Variants in SEMA3B observed in about 807,000 individuals in gnomAD.
SEMA3B encodes the protein semaphorin 3B, also known as semaphorin-3B.
A neutral mutation model predicts 77.8 loss-of-function variants in SEMA3B; 71 were observed. The ratio of observed to expected loss-of-function variants is 0.91; its 90% CI spans 0.75 to 1.11. SEMA3B has a LOEUF of 1.11. Among genes scored for constraint, SEMA3B ranks in the 50% most tolerant of loss-of-function variants. The probability of loss-of-function intolerance (pLI) is 0.00; values close to 1 mark genes in which losing one functional copy is unlikely to be tolerated. For synonymous variants in SEMA3B, 470 were observed against 452.9 expected (o/e 1.04, Z -0.48); for missense variants, 968 against 1,056.8 (o/e 0.92, Z 1.17).
At position 50,273,855 on chromosome 3, in the gene SEMA3B, C is replaced by T. The variant is rs782484617; in HGVS notation, c.992+27C>T. 69 of 1,563,194 alleles carry T rather than the reference C, an allele frequency of 4.4e-5. No homozygotes were observed. In the African/African-American group the frequency reaches 8.0e-4, roughly 18 times the overall value. On this transcript the variant is annotated intron_variant, in intron 9 of 16. Coordinates refer to ENST00000616701, the MANE Select transcript of SEMA3B (RefSeq NM_001290060.2). This position sits in a 1 kb window ranked among gnomAD's most constrained non-coding sequence, Gnocchi z 6.5. ...TGAGGGGCAGGAGGTAGGGAGCGCC[C>T]GGGGCGGGCCGCTGGGCTCCACCCG...
At chr3:50,260,968 T>G in the SEMA3B span, 1 of 152,300 alleles carries the variant, frequency 6.6e-6, no homozygotes, top group Non-Finnish European at 1.5e-5. Context: ...TTCAGCCTTG[T>G]GTTTGGTGGT....
At chr3:50,267,854 G>GC (rs1700942492), upstream of SEMA3B, 1 of 152,468 alleles carries the variant, frequency 6.6e-6, no homozygotes, top group South Asian at 2.1e-4. This position sits in a 1 kb window ranked among gnomAD's most constrained non-coding sequence, Gnocchi z 5.7. Context: ...GGGTGGAGGG[G>GC]CCTGGAACCT....
rs782321911 is a variant in SEMA3B at position 50,274,958 on chromosome 3, C to T, written c.1449+24C>T. On this transcript the variant is annotated intron_variant, in intron 12 of 16. Coordinates refer to ENST00000616701, the MANE Select transcript of SEMA3B (RefSeq NM_001290060.2). This position sits in a 1 kb window ranked among gnomAD's most constrained non-coding sequence, Gnocchi z 4.7. ...AGGTGAGGCCTCACCCCCAGTCGCC[C>T]GGGACCCCCCCACCCCACTAAGCCC... 10 of 1,600,940 alleles carry T rather than the reference C, an allele frequency of 6.2e-6. No individual in the cohort carries two copies. In the Admixed American group the frequency reaches 1.7e-4, roughly 27 times the overall value.
the SEMA3B span, chr3:50,260,939 G>A: frequency 6.6e-6 from 1 of 152,308 alleles, no homozygotes; most frequent in Non-Finnish European, 1.5e-5. Flanking sequence ...TCCCAGCACT[G>A]GTGGAGGCGG....
At position 50,274,114 on chromosome 3, in the gene SEMA3B, A is replaced by C; in HGVS notation, c.1137+57A>C. 6.3e-7 allele frequency: 1 copy of C among 1,583,944 alleles called. No individual in the cohort carries two copies. The highest frequency in any genetic ancestry group is 8.5e-7 in the Non-Finnish European group (1 of 1,169,782). ...ACTTCAAAGCCTCAAGGGTTTGAGA[A>C]CTTGGCCTGGGGTCTTCTTGGTGAA... On this transcript the variant is annotated intron_variant, in intron 10 of 16. Coordinates refer to ENST00000616701, the MANE Select transcript of SEMA3B (RefSeq NM_001290060.2). This position sits in a 1 kb window ranked among gnomAD's most constrained non-coding sequence, Gnocchi z 4.7.
chr3:50,273,325 T>A lies in SEMA3B; in HGVS notation c.692T>A (p.Ile231Asn). The change falls in exon 7 of 17, where the codon ATC (isoleucine) becomes AAC (asparagine). Residue 231 changes from isoleucine to asparagine, a missense_variant. Transcript: ENST00000616701. The surrounding 1 kb of genome is among the most constrained non-coding windows in gnomAD (Gnocchi z 6.5). ...NEPKFVKVFW[I>N]PESENPDDDK... ...CCCAAGTTTGTCAAGGTATTTTGGATCCCGGAGAGCGAGAACCCAGACGAC... is the reference window on the plus strand; with the variant it reads ...CCCAAGTTTGTCAAGGTATTTTGGAACCCGGAGAGCGAGAACCCAGACGAC... The A allele has an allele frequency of 6.2e-7, 1 of 1,613,944 alleles. No individual in the cohort carries two copies. Among genetic ancestry groups the A allele is most frequent in the Non-Finnish European group, 8.5e-7 (1 of 1,179,844 alleles).
chr3:50,276,181 G>C lies in SEMA3B; in HGVS notation c.1846-121G>C. On this transcript the variant is annotated intron_variant, in intron 16 of 16. Transcript: ENST00000616701. This position sits in a 1 kb window ranked among gnomAD's most constrained non-coding sequence, Gnocchi z 5.8. ...TCAGCCTTAAAATGTGCGCCTGCGGGCACCCCTTTCCCGCTCCACCTCGGC... is the reference window on the plus strand; with the variant it reads ...TCAGCCTTAAAATGTGCGCCTGCGGCCACCCCTTTCCCGCTCCACCTCGGC... 1 of 1,287,342 alleles carries C rather than the reference G, an allele frequency of 7.8e-7. No homozygotes were observed. Among genetic ancestry groups the C allele is most frequent in the South Asian group, 1.6e-5 (1 of 63,550 alleles). The allele number at this position is 1,287,342 out of a possible 1,614,324, so 79.7% of individuals were successfully genotyped here. A position where few individuals can be genotyped will look rare whatever the true frequency, so the allele number is the denominator to read the frequency against.
rs1216914177 is a variant in SEMA3B at position 50,276,332 on chromosome 3, G to A, written c.1876G>A (p.Ala626Thr). ...GGCAGAGGAGCGCACCGAGCGCACC[G>A]CCCGGGGACTACTGCTGCGCAGGCT... The part of the protein sequence containing the change: ...VLAEERTERT[A>T]RGLLLRRLRR... The change falls in exon 17 of 17, where the codon GCC (alanine) becomes ACC (threonine). Residue 626 changes from alanine (A) to threonine (T), a missense_variant. Coordinates refer to ENST00000616701, the MANE Select transcript of SEMA3B (RefSeq NM_001290060.2). The surrounding 1 kb of genome is among the most constrained non-coding windows in gnomAD (Gnocchi z 5.8). 9.2e-6 allele frequency: 14 copies of A among 1,527,440 alleles called. No individual in the cohort carries two copies. The highest frequency in any genetic ancestry group is 4.9e-5 in the East Asian group (2 of 40,462). 94.6% of individuals were successfully genotyped at this position (1,527,440 alleles called of 1,614,324 possible).
Position 50,275,421 on chromosome 3 carries a change from C to CCCCTACT in SEMA3B, c.1611_1612insCCCTACT (p.Gly538ProfsTer58). 6.3e-7 allele frequency: 1 copy of CCCCTACT among 1,599,570 alleles called. No individual in the cohort carries two copies. The highest frequency in any genetic ancestry group is 8.5e-7 in the Non-Finnish European group (1 of 1,173,070). ...CGCGTGACCCCTACTGCGCCTGGGA[C>CCCCTACT]GGGGTCGCGTGCACGCGCTTCCAGC... On this transcript the variant is annotated frameshift_variant, in exon 14 of 17. Coordinates refer to ENST00000616701, the MANE Select transcript of SEMA3B (RefSeq NM_001290060.2). LOFTEE classifies it high-confidence loss of function. The surrounding 1 kb of genome is among the most constrained non-coding windows in gnomAD (Gnocchi z 7.5).
Position 50,275,102 on chromosome 3 carries a change from T to C in SEMA3B, c.1491+49T>C. ...GGGTGGGATGGACTGAGCTTGTGCC[T>C]GGCGCGTCCCAAGCCTCTGGCCCCT... On this transcript the variant is annotated intron_variant, in intron 13 of 16. Transcript: ENST00000616701. The surrounding 1 kb of genome is among the most constrained non-coding windows in gnomAD (Gnocchi z 7.5). The C allele has an allele frequency of 6.5e-7, 1 of 1,533,220 alleles. No individual in the cohort carries two copies. The highest frequency in any genetic ancestry group is 8.8e-7 in the Non-Finnish European group (1 of 1,137,330). 95.0% of individuals were successfully genotyped at this position (1,533,220 alleles called of 1,614,324 possible).
In SEMA3B at chr3:50,269,432, C is replaced by T; in HGVS notation, c.109+83C>T. On this transcript the variant is annotated intron_variant, in intron 1 of 16. Coordinates refer to ENST00000616701, the MANE Select transcript of SEMA3B (RefSeq NM_001290060.2). This position sits in a 1 kb window ranked among gnomAD's most constrained non-coding sequence, Gnocchi z 4.0. ...GTATGGCCAGGGGGCTCTGTGTTGG[C>T]TGTTGCCCCATGTGCGTGCCTGTCA... 3 of 836,998 alleles carry T rather than the reference C, an allele frequency of 3.6e-6. No individual in the cohort carries two copies. The highest frequency in any genetic ancestry group is 5.4e-6 in the Non-Finnish European group (3 of 554,758). The allele number at this position is 836,998 out of a possible 1,614,324, so 51.8% of individuals were successfully genotyped here. A position where few individuals can be genotyped will look rare whatever the true frequency, so the allele number is the denominator to read the frequency against.
chr3:50,273,360 T>G lies in SEMA3B; in HGVS notation c.727T>G (p.Tyr243Asp), dbSNP rs1553705744. 1.2e-6 allele frequency: 2 copies of G among 1,613,974 alleles called. No homozygotes were observed. Among genetic ancestry groups the G allele is most frequent in the South Asian group, 2.2e-5 (2 of 91,088 alleles). The change falls in exon 7 of 17, where the codon TAC (tyrosine) becomes GAC (aspartate). Residue 243 changes from tyrosine (Y) to aspartate (D), a missense_variant. Coordinates refer to ENST00000616701, the MANE Select transcript of SEMA3B (RefSeq NM_001290060.2). This position sits in a 1 kb window ranked among gnomAD's most constrained non-coding sequence, Gnocchi z 6.5. ...ESENPDDDKIYFFFRETAVEA... is the reference protein window; with the variant it reads ...ESENPDDDKIDFFFRETAVEA... ...CGAGAACCCAGACGACGACAAAATC[T>G]ACTTCTTCTTTCGTGAGACGGCGGT... is the stretch of plus-strand genomic sequence containing the variant.
rs1553705870 is a variant in SEMA3B, at chr3:50,273,704, G to A, written c.923-55G>A. On this transcript the variant is annotated intron_variant, in intron 8 of 16. Coordinates refer to ENST00000616701, the MANE Select transcript of SEMA3B (RefSeq NM_001290060.2). This position sits in a 1 kb window ranked among gnomAD's most constrained non-coding sequence, Gnocchi z 6.5. Reference sequence around the variant, plus strand: ...GGGGGCAGCGGCGCAGACTCCGGGAGCCCCCGCCGCAGCGGGGCTGTGCGC... The same window carrying A: ...GGGGGCAGCGGCGCAGACTCCGGGAACCCCCGCCGCAGCGGGGCTGTGCGC... 1.9e-6 allele frequency: 3 copies of A among 1,594,160 alleles called. No homozygotes were observed. The highest frequency in any genetic ancestry group is 2.6e-6 in the Non-Finnish European group (3 of 1,175,356).
At position 50,270,489 on chromosome 3, in the gene SEMA3B, C is replaced by T. The variant is rs781964164; in HGVS notation, c.324C>T (p.Asp108=). The change falls in exon 3 of 17, where the codon GAC becomes GAT. Residue 108 remains aspartate (D), a synonymous_variant. Coordinates refer to ENST00000616701, the MANE Select transcript of SEMA3B (RefSeq NM_001290060.2). The surrounding 1 kb of genome is among the most constrained non-coding windows in gnomAD (Gnocchi z 4.7). The part of the protein sequence containing the change: ...WREECNWAGK[D]IGTECMNFVK... Reference sequence around the variant, plus strand: ...AGGAGTGCAACTGGGCAGGGAAGGACATTGGTGTGAGTGCCAGCTGCCCGG... The same window carrying T: ...AGGAGTGCAACTGGGCAGGGAAGGATATTGGTGTGAGTGCCAGCTGCCCGG... The T allele has an allele frequency of 5.5e-5, 88 of 1,613,470 alleles. No homozygotes were observed. The highest frequency in any genetic ancestry group is 6.9e-5 in the Non-Finnish European group (82 of 1,179,868).
Position 50,274,163 on chromosome 3 carries a change from G to A in SEMA3B, c.1137+106G>A. ...AATGTGGTTTCTTCCTTTAGTTATG[G>A]GTGGGAAAACGTTTCCATCATAAGA... is the stretch of plus-strand genomic sequence containing the variant. On this transcript the variant is annotated intron_variant, in intron 10 of 16. Transcript: ENST00000616701. The surrounding 1 kb of genome is among the most constrained non-coding windows in gnomAD (Gnocchi z 4.7). The A allele has an allele frequency of 5.9e-6, 9 of 1,524,686 alleles. No individual in the cohort carries two copies. The highest frequency in any genetic ancestry group is 8.0e-6 in the Non-Finnish European group (9 of 1,129,160). The allele number at this position is 1,524,686 out of a possible 1,614,324, so 94.4% of individuals were successfully genotyped here. A position where few individuals can be genotyped will look rare whatever the true frequency, so the allele number is the denominator to read the frequency against.
rs1256480587 is a variant in SEMA3B at position 50,276,203 on chromosome 3, C to A, written c.1846-99C>A. 3.6e-6 allele frequency: 5 copies of A among 1,393,494 alleles called. No homozygotes were observed. The highest frequency in any genetic ancestry group is 4.7e-6 in the Non-Finnish European group (5 of 1,069,584). The allele number at this position is 1,393,494 out of a possible 1,614,324, so 86.3% of individuals were successfully genotyped here. On this transcript the variant is annotated intron_variant, in intron 16 of 16. Transcript: ENST00000616701. This position sits in a 1 kb window ranked among gnomAD's most constrained non-coding sequence, Gnocchi z 5.8. ...CGGGCACCCCTTTCCCGCTCCACCTCGGCTCCCAATGACTCTTTGCTTCTT... is the reference window on the plus strand; with the variant it reads ...CGGGCACCCCTTTCCCGCTCCACCTAGGCTCCCAATGACTCTTTGCTTCTT...
In SEMA3B at chr3:50,269,573, C is replaced by T. The variant is rs1211614856; in HGVS notation, c.109+224C>T. ...TCGTGCTTTCTCAGGAAGACCCCTC[C>T]TGTCCCCACAGCAACAGACCTTGTC... is the stretch of plus-strand genomic sequence containing the variant. On this transcript the variant is annotated intron_variant, in intron 1 of 16. Transcript: ENST00000616701. The surrounding 1 kb of genome is among the most constrained non-coding windows in gnomAD (Gnocchi z 4.0). Among the ~76,000 whole-genome samples, 1 of 152,224 alleles carries T rather than the reference C, an allele frequency of 6.6e-6. No individual in the cohort carries two copies. The highest frequency in any genetic ancestry group is 2.4e-5 in the African/African-American group (1 of 41,458).
chr3:50,273,850 G>C lies in SEMA3B; in HGVS notation c.992+22G>C. 1.3e-6 allele frequency: 2 copies of C among 1,564,818 alleles called. No homozygotes were observed. The highest frequency in any genetic ancestry group is 1.7e-6 in the Non-Finnish European group (2 of 1,153,580). ...CCAGGTGAGGGGCAGGAGGTAGGGA[G>C]CGCCCGGGGCGGGCCGCTGGGCTCC... On this transcript the variant is annotated intron_variant, in intron 9 of 16. Transcript: ENST00000616701. The surrounding 1 kb of genome is among the most constrained non-coding windows in gnomAD (Gnocchi z 6.5).
At position 50,276,690 on chromosome 3, in the gene SEMA3B, G is replaced by GCGCAA; in HGVS notation, c.2239_2243dup (p.His748GlnfsTer140). The GCGCAA allele has an allele frequency of 6.5e-7, 1 of 1,542,110 alleles. No individual in the cohort carries two copies. Among genetic ancestry groups the GCGCAA allele is most frequent in the Non-Finnish European group, 8.7e-7 (1 of 1,152,090 alleles). On this transcript the variant is annotated frameshift_variant, in exon 17 of 17. Transcript: ENST00000616701. LOFTEE classifies it high-confidence loss of function. The surrounding 1 kb of genome is among the most constrained non-coding windows in gnomAD (Gnocchi z 5.8). ...CCTCGCGCTGAGCGGGGGCCGCGCA[G>GCGCAA]CGCAACGCACTGGTGACCAGACTGT...
Sources: allele counts gnomAD v4.1 joint callset (sites outside exome capture counted in the v4.1 genomes callset), GRCh38; gene constraint gnomAD v4.1.1; non-coding constraint Gnocchi (gnomAD v3.1); transcripts MANE v1.5; gene names NCBI Gene and HGNC (gene_info 2026-07-23, HGNC 2026-07-21).